OCA2: variants seen among roughly 807,000 people sequenced by gnomAD.
The protein encoded by OCA2 is OCA2 melanosomal transmembrane protein.
Under a neutral mutation model 100.2 loss-of-function variants are expected in OCA2, and 77 were observed. That is an observed-to-expected ratio of 0.77 (90% confidence interval 0.64 to 0.93). The LOEUF (loss-of-function observed/expected upper bound fraction) is 0.93, where lower values mean the gene tolerates loss of function less well. Ranked by LOEUF, OCA2 falls within the 40% of genes least tolerant of loss-of-function variation. The pLI is 0.00. For missense variants in OCA2, 1,062 were observed against 1,089.1 expected (o/e 0.98, Z 0.35); for synonymous variants, 432 against 439.2 (o/e 0.98, Z 0.21).
rs769757294 is a variant in OCA2 at position 28,081,887 on chromosome 15, G to C, written c.-13C>G. On this transcript the variant is annotated 5_prime_UTR_variant, in exon 2 of 24. Coordinates refer to ENST00000354638, the MANE Select transcript of OCA2 (RefSeq NM_000275.3). ...CCTCCAGATGCATGCTCCACTGCCA[G>C]TCTTCTCTCTAGGGCAGCCAGAAAG... The C allele has an allele frequency of 6.2e-7, 1 of 1,606,602 alleles. No homozygotes were observed. Among genetic ancestry groups the C allele is most frequent in the Non-Finnish European group, 8.5e-7 (1 of 1,177,882 alleles).
intron 19 of OCA2, among the ~76,000 whole-genome samples, chr15:27,911,136 C>A (rs1343090146): frequency 1.3e-5 from 2 of 152,018 alleles, no homozygotes; most frequent in Admixed American, 1.3e-4. Flanking sequence ...TTCTTAGAAC[C>A]ATGGTAATGG....
In OCA2 at chr15:28,043,001, A is replaced by C. The variant is rs1273446306; in HGVS notation, c.228-10838T>G. On this transcript the variant is annotated intron_variant, in intron 2 of 23. Coordinates refer to ENST00000354638, the MANE Select transcript of OCA2 (RefSeq NM_000275.3). This position sits in a 1 kb window ranked among gnomAD's most constrained non-coding sequence, Gnocchi z 4.4. ...GGTGCAAATTAATATTTTTAAGAGA[A>C]TGTCTACAAACTGTTTTTAAAATGC... Among the ~76,000 whole-genome samples the C allele has an allele frequency of 6.6e-6, 1 of 152,216 alleles. No individual in the cohort carries two copies. Among genetic ancestry groups the C allele is most frequent in the Non-Finnish European group, 1.5e-5 (1 of 68,044 alleles).
chr15:27,912,199 G>T (rs2038423229), intron 19 of OCA2, among the ~76,000 whole-genome samples: 1 of 152,136 alleles, frequency 6.6e-6, no homozygotes, highest in African/African-American at 2.4e-5. Flanking sequence ...ATGGGTGTTG[G>T]TATACAAACA....
intron 10 of OCA2, 90 bp downstream of exon 10, chr15:27,990,485 GA>G (rs1329005271): frequency 7.9e-5 from 105 of 1,329,158 alleles, no homozygotes; most frequent in Non-Finnish European, 1.1e-4. Context: ...ATAAAATAGT[GA>G]AAAAACCAGC....
At chr15:27,766,923 T>G (rs1033799123) in intron 23 of OCA2, among the ~76,000 whole-genome samples, 1 of 152,218 alleles carries the variant, frequency 6.6e-6, no homozygotes, top group African/African-American at 2.4e-5. Flanking sequence ...TTTCCTGTCC[T>G]GCCCACTGCT....
intron 23 of OCA2, among the ~76,000 whole-genome samples, chr15:27,787,430 A>C (rs576012299): frequency 1.3e-5 from 2 of 152,200 alleles, no homozygotes; most frequent in South Asian, 4.1e-4. Flanking sequence ...TTTACTTGTT[A>C]TAAGACTCTT....
intron 19 of OCA2, among the ~76,000 whole-genome samples, chr15:27,894,881 T>C (rs2037622560): frequency 6.6e-6 from 1 of 152,204 alleles, no homozygotes; most frequent in Non-Finnish European, 1.5e-5. Flanking sequence ...CACAAAAGGA[T>C]TGTGATGCAT....
At chr15:28,063,130 C>A (rs181311550) in intron 2 of OCA2, among the ~76,000 whole-genome samples, 9 of 152,244 alleles carry the variant, frequency 5.9e-5, no homozygotes, top group Admixed American at 4.6e-4. Flanking sequence ...GTAAGTATAT[C>A]TTCTTGATGA....
At chr15:27,899,975 C>T (rs2037861638) in intron 19 of OCA2, among the ~76,000 whole-genome samples, 1 of 152,024 alleles carries the variant, frequency 6.6e-6, no homozygotes, top group South Asian at 2.1e-4. Flanking sequence ...TTTGCGGGTC[C>T]TAATATCCAA....
At chr15:28,072,693 A>C (rs1489823848) in intron 2 of OCA2, among the ~76,000 whole-genome samples, 1 of 152,204 alleles carries the variant, frequency 6.6e-6, no homozygotes, top group Non-Finnish European at 1.5e-5. Context: ...AAACATATGA[A>C]AAAGCGCTCA....
intron 2 of OCA2, among the ~76,000 whole-genome samples, chr15:28,037,097 G>A (rs1009509907): frequency 1.3e-5 from 2 of 152,102 alleles, no homozygotes; most frequent in African/African-American, 4.8e-5. Context: ...AGGCAGGAAG[G>A]TCGAGAGCCA....
intron 14 of OCA2, among the ~76,000 whole-genome samples, chr15:27,972,130 G>T (rs1198939151): frequency 2.6e-5 from 4 of 152,124 alleles, no homozygotes; most frequent in Non-Finnish European, 5.9e-5. Flanking sequence ...TTCCATCCAA[G>T]TTGCTGCAAA....
At position 27,869,296 on chromosome 15, in the gene OCA2, G is replaced by A. The variant is rs560482183; in HGVS notation, c.2244+1858C>T. Among the ~76,000 whole-genome samples the A allele has an allele frequency of 2.0e-5, 3 of 152,322 alleles. No individual in the cohort carries two copies. In the South Asian group the frequency reaches 6.2e-4, roughly 32 times the overall value. On this transcript the variant is annotated intron_variant, in intron 21 of 23. Coordinates refer to ENST00000354638, the MANE Select transcript of OCA2 (RefSeq NM_000275.3). ...ACAGCGGCCACTGCAGAGATGGATG[G>A]GACCCACATTCATGAGGGCAGAGAT...
intron 8 of OCA2, among the ~76,000 whole-genome samples, chr15:28,015,523 G>A (rs1007331543): frequency 3.9e-5 from 6 of 152,134 alleles, no homozygotes; most frequent in African/African-American, 1.4e-4. Flanking sequence ...ATGAGGTTAT[G>A]GGGATGACTC....
chr15:27,939,336 C>G (rs546040413), intron 18 of OCA2, among the ~76,000 whole-genome samples: 22 of 152,298 alleles, frequency 1.4e-4, no homozygotes, highest in Middle Eastern at 6.8e-3. Flanking sequence ...CCACTCCAAA[C>G]AAGACTCTGC....
intron 2 of OCA2, among the ~76,000 whole-genome samples, chr15:28,042,433 C>A (rs1175128549): frequency 1.3e-5 from 2 of 150,410 alleles, no homozygotes; most frequent in Non-Finnish European, 3.0e-5. Flanking sequence ...TCAAGACCAG[C>A]CTGGCCAACA....
At chr15:27,794,503 G>A (rs1329533847) in intron 23 of OCA2, among the ~76,000 whole-genome samples, 1 of 152,132 alleles carries the variant, frequency 6.6e-6, no homozygotes, top group East Asian at 1.9e-4. Flanking sequence ...GCATATCTTT[G>A]GCATTAATTA....
chr15:28,018,559 T>A lies in OCA2; in HGVS notation c.647-2A>T, dbSNP rs2042480249. On this transcript the variant is annotated splice_acceptor_variant, in intron 6 of 23. Transcript: ENST00000354638. LOFTEE classifies it high-confidence loss of function. ...CCACGTGGCTGCTAAGGTTCACGGC[T>A]CGGAGAGTGTCAAGGAGAACCACAA... 1.2e-6 allele frequency: 2 copies of A among 1,611,904 alleles called. No homozygotes were observed. Among genetic ancestry groups the A allele is most frequent in the Non-Finnish European group, 1.7e-6 (2 of 1,179,604 alleles).
Position 27,804,962 on chromosome 15 carries a change from T to A in OCA2, c.2432+39997A>T, listed in dbSNP as rs181084636. Among the ~76,000 whole-genome samples the A allele has an allele frequency of 2.0e-3, 299 of 152,366 alleles. 1 individual carries two copies. The highest frequency in any genetic ancestry group is 3.3e-3 in the Non-Finnish European group (223 of 68,042). ...TCCTCCCACTATGGCAGACCCCCGC[T>A]GGACGTGCACTCTAGCGAGACACAC... On this transcript the variant is annotated intron_variant, in intron 23 of 23. Coordinates refer to ENST00000354638, the MANE Select transcript of OCA2 (RefSeq NM_000275.3).
Sources: gnomAD v4.1 joint callset for allele counts (sites outside exome capture counted in the v4.1 genomes callset) on GRCh38, gnomAD v4.1.1 for gene constraint, Gnocchi (gnomAD v3.1) non-coding constraint, MANE v1.5 for transcripts, NCBI Gene and HGNC (gene_info 2026-07-23, HGNC 2026-07-21) for gene names.